Variants in ZBTB20 observed in about 807,000 individuals in gnomAD.
ZBTB20 encodes the protein zinc finger and BTB domain containing 20.
In ZBTB20, 9 loss-of-function variants were observed where a neutral mutation model predicts 56.9. That is an observed-to-expected ratio of 0.16 (90% CI 0.10 to 0.28). ZBTB20 has a LOEUF of 0.28. Among genes scored for constraint, ZBTB20 ranks in the 10% least tolerant of loss-of-function variants. ZBTB20 has a pLI of 1.00. For synonymous variants in ZBTB20, 417 were observed against 420.7 expected, an observed-to-expected ratio of 0.99 and a Z score of 0.11; for missense variants, 655 against 1,003.0, an observed-to-expected ratio of 0.65 and a Z score of 4.69.
chr3:114,604,358 A>G (rs1004043210), intron 6 of ZBTB20, among the ~76,000 whole-genome samples: 10 of 152,012 alleles, frequency 6.6e-5, no homozygotes, highest in Non-Finnish European at 1.3e-4. Flanking sequence ...AGACCACTGG[A>G]AAGTTACACA....
chr3:114,896,746 T>C (rs926003289), intron 4 of ZBTB20, among the ~76,000 whole-genome samples: 2 of 152,102 alleles, frequency 1.3e-5, no homozygotes, highest in Admixed American at 6.6e-5. Context: ...TACCAAAAAA[T>C]AGTTAAGATA....
At chr3:114,628,621 C>T (rs2058769219) in intron 6 of ZBTB20, among the ~76,000 whole-genome samples, 1 of 152,104 alleles carries the variant, frequency 6.6e-6, no homozygotes, top group Non-Finnish European at 1.5e-5. Flanking sequence ...GGATGGCATA[C>T]TAATAAGAGC....
chr3:114,990,314 G>C (rs939606660), intron 2 of ZBTB20, among the ~76,000 whole-genome samples: 6 of 151,998 alleles, frequency 3.9e-5, no homozygotes, highest in Admixed American at 6.6e-5. Context: ...TAGCATGAAG[G>C]GTTGTTGAAT....
In ZBTB20 at chr3:114,845,819, C is replaced by T. The variant is rs557703576; in HGVS notation, c.-416-44645G>A. 5.9e-5 allele frequency among the ~76,000 whole-genome samples: 9 copies of T among 152,142 alleles called. 1 individual carries two copies. The highest frequency in any genetic ancestry group is 3.9e-4 in the East Asian group (2 of 5,180). ...ACAACAAATACATTCTTATATTATG[C>T]GAAACACTAAATTGGGCAGTGATTT... is the stretch of plus-strand genomic sequence containing the variant. On this transcript the variant is annotated intron_variant, in intron 4 of 11. Coordinates refer to ENST00000675478, the MANE Select transcript of ZBTB20 (RefSeq NM_001348800.3).
intron 4 of ZBTB20, among the ~76,000 whole-genome samples, chr3:114,805,527 C>T (rs1021036968): frequency 6.6e-6 from 1 of 151,648 alleles, no homozygotes; most frequent in African/African-American, 2.4e-5. Flanking sequence ...TATGATATCT[C>T]GGGGTATGTT....
chr3:114,481,189 A>C (rs1577005710), intron 7 of ZBTB20, among the ~76,000 whole-genome samples: 1 of 151,786 alleles, frequency 6.6e-6, no homozygotes, highest in East Asian at 1.9e-4. Context: ...AGACGGTTTG[A>C]GTGCCTTGAG....
intron 4 of ZBTB20, among the ~76,000 whole-genome samples, chr3:114,806,122 A>G (rs1320297343): frequency 6.6e-6 from 1 of 151,814 alleles, no homozygotes; most frequent in African/African-American, 2.4e-5. Flanking sequence ...TCAAAGTGGT[A>G]TTGCTGGATC....
At chr3:115,133,402 C>T (rs1343509905) in intron 1 of ZBTB20, among the ~76,000 whole-genome samples, 2 of 152,068 alleles carry the variant, frequency 1.3e-5, no homozygotes, top group Non-Finnish European at 2.9e-5. Context: ...ATAACATAAA[C>T]TCACCATTTT....
intron 3 of ZBTB20, among the ~76,000 whole-genome samples, chr3:114,920,380 G>A: frequency 6.6e-6 from 1 of 152,010 alleles, no homozygotes; most frequent in East Asian, 1.9e-4. Context: ...TTGGGCCACA[G>A]AACAAATCTT....
intron 4 of ZBTB20, among the ~76,000 whole-genome samples, chr3:114,843,281 A>G (rs571774012): frequency 2.0e-5 from 3 of 152,280 alleles, no homozygotes; most frequent in African/African-American, 7.2e-5. Flanking sequence ...ATCTCAACTC[A>G]TACCATGTAG....
chr3:115,011,578 G>A (rs2079713085), intron 2 of ZBTB20, among the ~76,000 whole-genome samples: 1 of 151,752 alleles, frequency 6.6e-6, no homozygotes, highest in Admixed American at 6.6e-5. Context: ...CAAACATGAA[G>A]GAGAAATGAA....
At chr3:114,872,054 T>C (rs2076033930) in intron 4 of ZBTB20, among the ~76,000 whole-genome samples, 1 of 152,144 alleles carries the variant, frequency 6.6e-6, no homozygotes, top group African/African-American at 2.4e-5. Flanking sequence ...CCTTTTTAAA[T>C]AAGCAAACTC....
At chr3:115,019,252 C>T (rs1156825953) in intron 2 of ZBTB20, among the ~76,000 whole-genome samples, 1 of 151,048 alleles carries the variant, frequency 6.6e-6, no homozygotes, top group African/African-American at 2.4e-5. Flanking sequence ...AATTTTGAAC[C>T]TAAATAATTT....
At chr3:115,126,956 T>G (rs1378882193) in intron 1 of ZBTB20, among the ~76,000 whole-genome samples, 1 of 152,242 alleles carries the variant, frequency 6.6e-6, no homozygotes, top group East Asian at 1.9e-4. Context: ...CAATTCTGTG[T>G]GCTTAAAGTC....
chr3:114,360,317 G>A (rs1275795683), intron 10 of ZBTB20, among the ~76,000 whole-genome samples: 1 of 148,834 alleles, frequency 6.7e-6, no homozygotes, highest in East Asian at 2.0e-4. Context: ...ATCTCTGTTT[G>A]TTGGTAGGAG....
intron 6 of ZBTB20, among the ~76,000 whole-genome samples, chr3:114,541,600 TA>T (rs1237888697): frequency 6.6e-6 from 1 of 152,110 alleles, no homozygotes; most frequent in African/African-American, 2.4e-5. Flanking sequence ...AGCCATCCCC[TA>T]GAGAAGGAAA....
intron 1 of ZBTB20, among the ~76,000 whole-genome samples, chr3:115,113,084 G>T (rs1454381983): frequency 2.0e-5 from 3 of 152,050 alleles, no homozygotes; most frequent in Admixed American, 2.0e-4. Context: ...TTGGCCATTT[G>T]TACGTCTTCT....
At chr3:114,411,147 C>T (rs577656178) in intron 7 of ZBTB20, among the ~76,000 whole-genome samples, 44 of 152,268 alleles carry the variant, frequency 2.9e-4, no homozygotes, top group African/African-American at 9.6e-4. Context: ...CATGTACATG[C>T]AAAATATCAA....
chr3:114,688,128 G>C (rs1363875952), intron 6 of ZBTB20: 1 of 152,086 alleles, frequency 6.6e-6, no homozygotes, highest in Non-Finnish European at 1.5e-5. Context: ...TACTTGGGAG[G>C]CTAAGGCACA....
Sources: allele counts gnomAD v4.1 joint callset (sites outside exome capture counted in the v4.1 genomes callset), GRCh38; gene constraint gnomAD v4.1.1; transcripts MANE v1.5; gene names NCBI Gene and HGNC (gene_info 2026-07-23, HGNC 2026-07-21).